The following EPHB2 variants were observed in gnomAD, a reference collection of about 807,000 sequenced individuals.
The protein encoded by EPHB2 is ephrin type-B receptor 2.
EPHB2 carries 18 observed loss-of-function variants against 96.4 expected under a neutral mutation model. The observed-to-expected ratio is 0.19, with a 90% confidence interval of 0.13 to 0.28. EPHB2 has a LOEUF of 0.28. Among genes scored for constraint, EPHB2 ranks in the 10% least tolerant of loss-of-function variants. The probability of loss-of-function intolerance (pLI) is 1.00; values close to 1 mark genes in which losing one functional copy is unlikely to be tolerated. For missense variants in EPHB2, 989 were observed against 1,355.4 expected (o/e 0.73, Z 4.25); for synonymous variants, 506 against 534.1 (o/e 0.95, Z 0.72).
intron 5 of EPHB2, among the ~76,000 whole-genome samples, chr1:22,882,147 G>A (rs545610182): frequency 6.6e-6 from 1 of 152,116 alleles, no homozygotes; most frequent in African/African-American, 2.4e-5. Flanking sequence ...TGACCTGAAG[G>A]TGCCCCATGA....
In EPHB2 at chr1:22,790,411, G is replaced by T. The variant is rs893077848; in HGVS notation, c.811+5335G>T. ...CCTCCCCAACCCCAGTCCCCGCTGG[G>T]GCTTCCTGCCAGCAGGTCTGCTGGG... is the stretch of plus-strand genomic sequence containing the variant. On this transcript the variant is annotated intron_variant, in intron 3 of 15. Transcript: ENST00000374630. The surrounding 1 kb of genome is among the most constrained non-coding windows in gnomAD (Gnocchi z 4.0). Among the ~76,000 whole-genome samples the T allele has an allele frequency of 1.3e-5, 2 of 152,122 alleles. No individual in the cohort carries two copies. The highest frequency in any genetic ancestry group is 2.9e-5 in the Non-Finnish European group (2 of 68,016).
At chr1:22,806,504 C>CGGACGGAT (rs1463257366) in intron 3 of EPHB2, among the ~76,000 whole-genome samples, 11 of 148,708 alleles carry the variant, frequency 7.4e-5, no homozygotes, top group African/African-American at 2.8e-4. Context: ...GACGGACGGA[C>CGGACGGAT]GGATGGATGG....
chr1:22,803,743 G>GTGTA (rs377097859), intron 3 of EPHB2, among the ~76,000 whole-genome samples: 2 of 144,372 alleles, frequency 1.4e-5, no homozygotes, highest in African/African-American at 2.6e-5. Flanking sequence ...GTGTGTGTGT[G>GTGTA]TATATATATA....
chr1:22,722,706 A>G (rs1306411882), intron 1 of EPHB2, among the ~76,000 whole-genome samples: 1 of 152,226 alleles, frequency 6.6e-6, no homozygotes, highest in African/African-American at 2.4e-5. Flanking sequence ...GAGTTGGCAG[A>G]ATGAATGAAA....
chr1:22,728,236 G>A (rs892093931), intron 1 of EPHB2, among the ~76,000 whole-genome samples: 19 of 152,162 alleles, frequency 1.2e-4, no homozygotes, highest in African/African-American at 4.6e-4. Flanking sequence ...CTGAATGAAT[G>A]AATGAATGAA....
intron 9 of EPHB2, among the ~76,000 whole-genome samples, chr1:22,904,538 G>A (rs973036951): frequency 6.6e-6 from 1 of 152,144 alleles, no homozygotes; most frequent in African/African-American, 2.4e-5. Flanking sequence ...AAGAAACCCT[G>A]ACCTCAAGGG....
chr1:22,796,533 G>C (rs79237029), intron 3 of EPHB2, among the ~76,000 whole-genome samples: 2 of 152,322 alleles, frequency 1.3e-5, no homozygotes, highest in East Asian at 3.9e-4. Flanking sequence ...CTTGCAATCC[G>C]TGAGCTTTGT....
intron 3 of EPHB2, among the ~76,000 whole-genome samples, chr1:22,820,110 A>T (rs1042729819): frequency 6.6e-6 from 1 of 152,118 alleles, no homozygotes; most frequent in Non-Finnish European, 1.5e-5. Context: ...CATCCCCAGG[A>T]AAAGGGGAGG....
chr1:22,774,978 A>T (rs550223770), intron 1 of EPHB2, among the ~76,000 whole-genome samples: 1 of 152,360 alleles, frequency 6.6e-6, no homozygotes, highest in East Asian at 1.9e-4. Context: ...GCATTCCTGC[A>T]ATTGTACACT....
intron 1 of EPHB2, among the ~76,000 whole-genome samples, chr1:22,731,307 C>T (rs907806034): frequency 6.6e-6 from 1 of 152,120 alleles, no homozygotes; most frequent in South Asian, 2.1e-4. Context: ...ACTTGCTGAG[C>T]GACTGTGCAC....
At chr1:22,880,439 C>T (rs528754037) in intron 5 of EPHB2, among the ~76,000 whole-genome samples, 4 of 152,230 alleles carry the variant, frequency 2.6e-5, no homozygotes, top group South Asian at 2.1e-4. Flanking sequence ...GTCACAGACC[C>T]GCCCAGGAAT....
intron 3 of EPHB2, among the ~76,000 whole-genome samples, chr1:22,794,415 A>C (rs4654816): frequency 0.74 from 113,241 of 152,036 alleles, 42,525 homozygotes; most frequent in Middle Eastern, 0.84. Flanking sequence ...ACCTCTGGCC[A>C]GAGAGAAAAG....
At chr1:22,877,956 C>T (rs1638899022) in intron 5 of EPHB2, among the ~76,000 whole-genome samples, 1 of 152,222 alleles carries the variant, frequency 6.6e-6, no homozygotes, top group African/African-American at 2.4e-5. Flanking sequence ...AATAAACTCT[C>T]CTGGTTATCC....
intron 3 of EPHB2, among the ~76,000 whole-genome samples, chr1:22,794,208 G>T (rs1024453216): frequency 7.9e-5 from 12 of 152,284 alleles, no homozygotes; most frequent in Admixed American, 5.9e-4. Context: ...AGGACTGTGG[G>T]ACCTCAAAGG....
At chr1:22,823,107 A>T (rs1351337443) in intron 3 of EPHB2, among the ~76,000 whole-genome samples, 2 of 152,204 alleles carry the variant, frequency 1.3e-5, no homozygotes, top group Admixed American at 6.5e-5. Flanking sequence ...GGTCCAAGTT[A>T]GCTCTGCCAC....
At chr1:22,783,485 GA>G in intron 2 of EPHB2, among the ~76,000 whole-genome samples, 1 of 152,210 alleles carries the variant, frequency 6.6e-6, no homozygotes, top group Non-Finnish European at 1.5e-5. Flanking sequence ...CACGCAGGGA[GA>G]TTGTTCCCGA....
At chr1:22,880,619 A>G (rs1639007119) in intron 5 of EPHB2, among the ~76,000 whole-genome samples, 1 of 152,232 alleles carries the variant, frequency 6.6e-6, no homozygotes, top group African/African-American at 2.4e-5. Flanking sequence ...GGAGCAAACA[A>G]CTGCTCTGGC....
intron 3 of EPHB2, among the ~76,000 whole-genome samples, chr1:22,797,814 C>A (rs1644788696): frequency 6.6e-6 from 1 of 152,090 alleles, no homozygotes; most frequent in South Asian, 2.1e-4. Flanking sequence ...CTCCCGTTTC[C>A]TCCTTCCCTC....
intron 3 of EPHB2, among the ~76,000 whole-genome samples, chr1:22,818,857 C>G (rs1645110538): frequency 6.6e-6 from 1 of 152,172 alleles, no homozygotes; most frequent in Admixed American, 6.5e-5. Flanking sequence ...CGCTTCATGC[C>G]TCCCCTGTCA....
Sources: gnomAD v4.1 joint callset for allele counts (sites outside exome capture counted in the v4.1 genomes callset) on GRCh38, gnomAD v4.1.1 for gene constraint, Gnocchi (gnomAD v3.1) non-coding constraint, MANE v1.5 for transcripts, NCBI Gene and HGNC (gene_info 2026-07-23, HGNC 2026-07-21) for gene names.